Variants in TCP11L1 observed in about 807,000 individuals in gnomAD.
TCP11L1 encodes t-complex 11 like 1.
Under a neutral mutation model 48.9 loss-of-function variants are expected in TCP11L1, and 28 were observed. That is an observed-to-expected ratio of 0.57 (90% CI 0.42 to 0.78). The LOEUF (loss-of-function observed/expected upper bound fraction) is 0.78. Among genes scored for constraint, TCP11L1 ranks in the 30% least tolerant of loss-of-function variants. TCP11L1 has a pLI of 0.00. For synonymous variants in TCP11L1, 204 were observed against 231.9 expected, an observed-to-expected ratio of 0.88 and a Z score of 1.09; for missense variants, 505 against 613.4, an observed-to-expected ratio of 0.82 and a Z score of 1.87.
intron 2 of TCP11L1, among the ~76,000 whole-genome samples, chr11:33,045,691 C>T (rs749603367): frequency 5.9e-5 from 9 of 152,068 alleles, no homozygotes; most frequent in African/African-American, 1.7e-4. Context: ...CCAGACCCAA[C>T]GTGGAGGTGA....
intron 2 of TCP11L1, among the ~76,000 whole-genome samples, chr11:33,052,316 C>T (rs1471669651): frequency 1.3e-5 from 2 of 152,148 alleles, no homozygotes; most frequent in African/African-American, 2.4e-5. Flanking sequence ...GCAATATCAA[C>T]AAAGCCAGAT....
intron 3 of TCP11L1, among the ~76,000 whole-genome samples, chr11:33,055,154 G>A (rs1344669499): frequency 6.6e-6 from 1 of 152,204 alleles, no homozygotes; most frequent in Non-Finnish European, 1.5e-5. Flanking sequence ...AGGAAACACT[G>A]CCCATTATAA....
chr11:33,067,445 G>T (rs1211850963), intron 8 of TCP11L1, among the ~76,000 whole-genome samples: 1 of 152,200 alleles, frequency 6.6e-6, no homozygotes, highest in Non-Finnish European at 1.5e-5. Flanking sequence ...TGTGACTAGG[G>T]CCTCAACAGT....
intron 2 of TCP11L1, among the ~76,000 whole-genome samples, chr11:33,044,793 A>T (rs1853940193): frequency 6.6e-6 from 1 of 152,230 alleles, no homozygotes; most frequent in Non-Finnish European, 1.5e-5. Flanking sequence ...ATCAACTATT[A>T]GGTCAAATTG....
intron 6 of TCP11L1, 94 bp downstream of exon 6, chr11:33,059,189 A>G (rs907983180): frequency 6.7e-7 from 1 of 1,503,016 alleles, no homozygotes. Flanking sequence ...TCAGAACAAA[A>G]CTAAAATTTA....
intron 2 of TCP11L1, among the ~76,000 whole-genome samples, chr11:33,054,201 A>G (rs1372736112): frequency 6.6e-6 from 1 of 151,866 alleles, no homozygotes; most frequent in Non-Finnish European, 1.5e-5. Context: ...GCAAAAGAGA[A>G]GATCTTAAAT....
chr11:33,071,055 C>T (rs966819884), intron 9 of TCP11L1, among the ~76,000 whole-genome samples: 3 of 151,702 alleles, frequency 2.0e-5, no homozygotes, highest in Admixed American at 2.0e-4. Context: ...TGGCTCACTC[C>T]TGTAGTTCCA....
At chr11:33,072,395 T>G in intron 9 of TCP11L1, 79 bp from the exon 10 acceptor site, 4 of 1,493,164 alleles carry the variant, frequency 2.7e-6, no homozygotes, top group South Asian at 1.2e-5. Context: ...GAGGTGATGG[T>G]TAAGCTAAGA....
rs377386467 is a variant in TCP11L1, at chr11:33,068,697, C to T, written c.1165C>T (p.Leu389=). Residue 389 remains leucine, a synonymous_variant, in exon 9 of 10, where the codon CTG becomes TTG. Coordinates refer to ENST00000334274, the MANE Select transcript of TCP11L1 (RefSeq NM_018393.4). ...CCTCCTCTGCCCCAGCTCCTTCCAT[C>T]TGAAGGACGTCCTCACTACCATCGG... ...LTDMHLPSFH[L]KDVLTTIGEK... The T allele has an allele frequency of 6.2e-7, 1 of 1,613,946 alleles. No homozygotes were observed. The highest frequency in any genetic ancestry group is 1.1e-5 in the South Asian group (1 of 91,070).
At chr11:33,051,406 G>A (rs1196970291) in intron 2 of TCP11L1, among the ~76,000 whole-genome samples, 2 of 151,472 alleles carry the variant, frequency 1.3e-5, no homozygotes, top group Admixed American at 6.6e-5. Flanking sequence ...CGACCTTGTG[G>A]TCCGCTCGCC....
intron 2 of TCP11L1, among the ~76,000 whole-genome samples, chr11:33,049,248 CAAAAAAAA>C (rs3078634): frequency 7.8e-6 from 1 of 127,752 alleles, no homozygotes; most frequent in Non-Finnish European, 1.6e-5. Context: ...GACTCCGTCT[CAAAAAAAA>C]AAAAAAAAAA....
chr11:33,069,112 C>T (rs577790143), intron 9 of TCP11L1, among the ~76,000 whole-genome samples: 113 of 152,184 alleles, frequency 7.4e-4, no homozygotes, highest in African/African-American at 2.5e-3. Flanking sequence ...GCAGCTTGGG[C>T]GTGTAACTTG....
intron 3 of TCP11L1, 72 bp downstream of exon 3, chr11:33,054,797 G>T: frequency 6.6e-7 from 1 of 1,507,942 alleles, no homozygotes; most frequent in Non-Finnish European, 9.0e-7. Flanking sequence ...GTTTCCTTCA[G>T]TTGATACCAA....
intron 2 of TCP11L1, among the ~76,000 whole-genome samples, chr11:33,053,575 G>A (rs1854226898): frequency 6.6e-6 from 1 of 152,234 alleles, no homozygotes; most frequent in South Asian, 2.1e-4. Flanking sequence ...CGATACAGAA[G>A]TAAAATCTAC....
intron 1 of TCP11L1, chr11:33,040,094 C>G: frequency 7.4e-6 from 1 of 135,986 alleles, no homozygotes; most frequent in Admixed American, 7.5e-5. Context: ...ATTCCCGGCG[C>G]CGGGGGACAG....
Position 33,054,790 on chromosome 11 carries a change from T to A in TCP11L1, c.296+65T>A, listed in dbSNP as rs927324685. 5 of 1,545,192 alleles carry A rather than the reference T, an allele frequency of 3.2e-6. No homozygotes were observed. In the Admixed American group the frequency reaches 6.0e-5, roughly 18 times the overall value. On this transcript the variant is annotated intron_variant, in intron 3 of 9. Coordinates refer to ENST00000334274, the MANE Select transcript of TCP11L1 (RefSeq NM_018393.4). ...GTCATTTCCCAGTTTTGAAAATGTT[T>A]CCTTCAGTTGATACCAATATATTCA...
chr11:33,042,882 A>G (rs1853879866), intron 1 of TCP11L1, among the ~76,000 whole-genome samples: 1 of 152,212 alleles, frequency 6.6e-6, no homozygotes, highest in Non-Finnish European at 1.5e-5. Context: ...CCTGGCCAAC[A>G]TGGTGAAGCC....
At chr11:33,056,395 G>A (rs1026284020) in intron 3 of TCP11L1, among the ~76,000 whole-genome samples, 11 of 152,188 alleles carry the variant, frequency 7.2e-5, no homozygotes, top group African/African-American at 2.7e-4. Flanking sequence ...ACAGGCATGA[G>A]CCACCACACC....
At chr11:33,040,583 G>A (rs914486624) in intron 1 of TCP11L1, 4 of 152,250 alleles carry the variant, frequency 2.6e-5, no homozygotes, top group Non-Finnish European at 4.4e-5. Context: ...TGGAGCATAA[G>A]TGGGGAATAT....
Sources: allele counts gnomAD v4.1 joint callset (sites outside exome capture counted in the v4.1 genomes callset), GRCh38; gene constraint gnomAD v4.1.1; transcripts MANE v1.5; gene names NCBI Gene and HGNC (gene_info 2026-07-23, HGNC 2026-07-21).